The following GAREM1 variants were observed in gnomAD, a reference collection of about 807,000 sequenced individuals.
The protein encoded by GAREM1 is GRB2 associated regulator of MAPK1 subtype 1, also known as GRB2-associated and regulator of MAPK protein 1.
GAREM1 carries 26 observed loss-of-function variants against 71.3 expected under a neutral mutation model. The ratio of observed to expected loss-of-function variants is 0.36; its 90% CI spans 0.27 to 0.51. The LOEUF is 0.51. GAREM1 is among the 20% of genes least tolerant of loss of function. The pLI, the probability that GAREM1 is intolerant of heterozygous loss-of-function variation, is 0.95. For synonymous variants in GAREM1, 440 were observed against 433.2 expected, an observed-to-expected ratio of 1.02 and a Z score of -0.20; for missense variants, 1,026 against 1,103.1, an observed-to-expected ratio of 0.93 and a Z score of 0.99.
intron 1 of GAREM1, among the ~76,000 whole-genome samples, chr18:32,467,579 C>G (rs564914459): frequency 6.6e-6 from 1 of 151,998 alleles, no homozygotes; most frequent in East Asian, 1.9e-4. Flanking sequence ...ATGTACCAGC[C>G]CATAGTAGGC....
intron 2 of GAREM1, among the ~76,000 whole-genome samples, chr18:32,367,004 A>G (rs2047933881): frequency 6.6e-6 from 1 of 152,242 alleles, no homozygotes; most frequent in South Asian, 2.1e-4. Flanking sequence ...CTAATCCCAC[A>G]GCCCTCTAGC....
At chr18:32,382,810 T>C (rs1488947712) in intron 2 of GAREM1, among the ~76,000 whole-genome samples, 1 of 152,086 alleles carries the variant, frequency 6.6e-6, no homozygotes, top group Non-Finnish European at 1.5e-5. Flanking sequence ...CAAGACTCGC[T>C]GCATAATTAC....
At chr18:32,355,314 T>C (rs1286612687) in intron 2 of GAREM1, among the ~76,000 whole-genome samples, 1 of 152,176 alleles carries the variant, frequency 6.6e-6, no homozygotes, top group African/African-American at 2.4e-5. Flanking sequence ...TGGTGAATAA[T>C]GAAGTAATGC....
chr18:32,419,735 G>C (rs999868651), intron 1 of GAREM1, among the ~76,000 whole-genome samples: 9 of 152,082 alleles, frequency 5.9e-5, no homozygotes, highest in Admixed American at 5.2e-4. Context: ...TAACACCAGG[G>C]GATGAGTACA....
At chr18:32,355,420 T>C (rs2047794835) in intron 2 of GAREM1, among the ~76,000 whole-genome samples, 1 of 148,702 alleles carries the variant, frequency 6.7e-6, no homozygotes, top group Non-Finnish European at 1.5e-5. Context: ...GACTATTTTA[T>C]CTAGATTTCT....
At chr18:32,466,613 G>C (rs1009784842) in intron 1 of GAREM1, among the ~76,000 whole-genome samples, 3 of 152,192 alleles carry the variant, frequency 2.0e-5, no homozygotes, top group African/African-American at 7.2e-5. Flanking sequence ...GTCTATCCAA[G>C]ATGAAATGAG....
intron 4 of GAREM1, among the ~76,000 whole-genome samples, chr18:32,282,404 GAC>G (rs2046963495): frequency 6.6e-6 from 1 of 152,120 alleles, no homozygotes; most frequent in African/African-American, 2.4e-5. Flanking sequence ...CCAGCCTGGT[GAC>G]AGAGTTAGAC....
At chr18:32,435,055 T>C (rs1344706375) in intron 1 of GAREM1, among the ~76,000 whole-genome samples, 1 of 152,008 alleles carries the variant, frequency 6.6e-6, no homozygotes, top group African/African-American at 2.4e-5. Flanking sequence ...TTCCCAATAA[T>C]ACACAACCTC....
intron 2 of GAREM1, among the ~76,000 whole-genome samples, chr18:32,320,866 C>T (rs1160688501): frequency 2.6e-5 from 4 of 152,334 alleles, no homozygotes; most frequent in African/African-American, 9.6e-5. Flanking sequence ...CAGAAGTTTT[C>T]TGGGACAAAT....
intron 2 of GAREM1, among the ~76,000 whole-genome samples, chr18:32,330,688 T>G (rs959841805): frequency 1.9e-5 from 1 of 52,998 alleles, no homozygotes; most frequent in African/African-American, 7.5e-5. Flanking sequence ...TAAATACATT[T>G]AAATGGGAGG....
intron 2 of GAREM1, among the ~76,000 whole-genome samples, chr18:32,315,457 T>C (rs1428967867): frequency 1.4e-5 from 2 of 146,818 alleles, no homozygotes; most frequent in Admixed American, 1.4e-4. Context: ...TATAAAAGTA[T>C]ATATATAAAT....
chr18:32,351,903 C>T (rs947593271), intron 2 of GAREM1, among the ~76,000 whole-genome samples: 1 of 152,050 alleles, frequency 6.6e-6, no homozygotes, highest in Admixed American at 6.6e-5. Context: ...TTTTCTTCAG[C>T]ATAGGTACAC....
chr18:32,442,182 C>T (rs1161667136), intron 1 of GAREM1, among the ~76,000 whole-genome samples: 3 of 152,048 alleles, frequency 2.0e-5, no homozygotes, highest in Admixed American at 2.0e-4. Flanking sequence ...GATACAATGC[C>T]CACTGCCTGT....
At chr18:32,403,037 C>T (rs2048331142) in intron 1 of GAREM1, among the ~76,000 whole-genome samples, 2 of 152,134 alleles carry the variant, frequency 1.3e-5, no homozygotes, top group Admixed American at 1.3e-4. Flanking sequence ...CGTGCCTCAG[C>T]CTCCTGAGTA....
chr18:32,403,519 C>T (rs1371897637), intron 1 of GAREM1, among the ~76,000 whole-genome samples: 1 of 152,130 alleles, frequency 6.6e-6, no homozygotes, highest in Non-Finnish European at 1.5e-5. Context: ...CCTTATTTAC[C>T]CAGTTCCTCA....
At chr18:32,316,527 A>G (rs561373192) in intron 2 of GAREM1, among the ~76,000 whole-genome samples, 21 of 152,198 alleles carry the variant, frequency 1.4e-4, no homozygotes, top group Non-Finnish European at 2.4e-4. Flanking sequence ...TTCTTGGCTC[A>G]CTGGCTCCCC....
intron 5 of GAREM1, 92 bp downstream of exon 5, chr18:32,270,124 GC>G: frequency 7.8e-7 from 1 of 1,279,252 alleles, no homozygotes; most frequent in East Asian, 2.4e-5. Flanking sequence ...CCACCACCCT[GC>G]CTGTTAGGGC....
Position 32,392,875 on chromosome 18 carries a change from G to A in GAREM1, c.262+20C>T. 1 of 1,606,362 alleles carries A rather than the reference G, an allele frequency of 6.2e-7. No homozygotes were observed. The highest frequency in any genetic ancestry group is 8.5e-7 in the Non-Finnish European group (1 of 1,174,932). On this transcript the variant is annotated intron_variant, in intron 2 of 5. Transcript: ENST00000269209. Reference sequence around the variant, plus strand: ...CCCCTTTCTCTCGCTGCCTCATCTTGGCCCTTGGAGGAGTCTTACCTGCAT... The same window carrying A: ...CCCCTTTCTCTCGCTGCCTCATCTTAGCCCTTGGAGGAGTCTTACCTGCAT...
intron 2 of GAREM1, among the ~76,000 whole-genome samples, chr18:32,380,539 T>C (rs1567987729): frequency 7.3e-6 from 1 of 137,834 alleles, no homozygotes; most frequent in Non-Finnish European, 1.6e-5. Context: ...GTCCAAAAAG[T>C]GAGAGTTTTT....
Sources: allele counts gnomAD v4.1 joint callset (sites outside exome capture counted in the v4.1 genomes callset), GRCh38; gene constraint gnomAD v4.1.1; transcripts MANE v1.5; gene names NCBI Gene and HGNC (gene_info 2026-07-23, HGNC 2026-07-21).